Variants in ZNF92 observed in about 807,000 individuals in gnomAD.
ZNF92 encodes zinc finger protein 92, also known as epididymis luminal protein 203.
ZNF92 carries 11 observed loss-of-function variants against 12.4 expected under a neutral mutation model. That is an observed-to-expected ratio of 0.89 (90% CI 0.56 to 1.47). The LOEUF is 1.47. Among genes scored for constraint, ZNF92 ranks in the 40% most tolerant of loss-of-function variants. ZNF92 has a pLI of 0.00. For missense variants in ZNF92, 622 were observed against 681.0 expected (o/e 0.91, Z 0.96); for synonymous variants, 206 against 228.6 (o/e 0.90, Z 0.89).
intron 1 of ZNF92, among the ~76,000 whole-genome samples, chr7:65,383,642 C>T (rs954186811): frequency 2.6e-5 from 4 of 152,054 alleles, no homozygotes; most frequent in African/African-American, 9.7e-5. Flanking sequence ...GAGATCAAGG[C>T]CACAAAGTAT....
intron 1 of ZNF92, among the ~76,000 whole-genome samples, chr7:65,381,082 C>A (rs547550250): frequency 6.6e-6 from 1 of 152,026 alleles, no homozygotes; most frequent in South Asian, 2.1e-4. Context: ...GGCACGATCT[C>A]GGCTCACTGC....
intron 1 of ZNF92, among the ~76,000 whole-genome samples, chr7:65,379,070 GTGTT>G (rs149014826): frequency 0.28 from 42,025 of 151,712 alleles, 7,602 homozygotes; most frequent in African/African-American, 0.49. Context: ...CATAACTACA[GTGTT>G]TTGCTGAGTT....
intron 3 of ZNF92, among the ~76,000 whole-genome samples, chr7:65,391,381 A>G (rs935584645): frequency 2.6e-5 from 4 of 152,022 alleles, no homozygotes; most frequent in Non-Finnish European, 4.4e-5. Flanking sequence ...TCTATTTTCT[A>G]TTTCAAATTT....
intron 1 of ZNF92, among the ~76,000 whole-genome samples, chr7:65,381,348 C>T (rs1282318174): frequency 1.4e-5 from 2 of 141,808 alleles, no homozygotes; most frequent in Non-Finnish European, 3.0e-5. Context: ...ATGTCCTTTG[C>T]CTACTTTTTA....
intron 3 of ZNF92, among the ~76,000 whole-genome samples, chr7:65,389,261 C>T (rs903168960): frequency 4.0e-5 from 6 of 151,836 alleles, no homozygotes; most frequent in African/African-American, 1.2e-4. Flanking sequence ...CGCCTGGCCT[C>T]AGTCTTTAAA....
At chr7:65,381,035 A>T (rs1158241010) in intron 1 of ZNF92, among the ~76,000 whole-genome samples, 1 of 151,558 alleles carries the variant, frequency 6.6e-6, no homozygotes, top group Non-Finnish European at 1.5e-5. Context: ...CTTTTTGGAG[A>T]TGGAGTCTCG....
At chr7:65,396,526 A>G (rs1370367651) in intron 3 of ZNF92, among the ~76,000 whole-genome samples, 1 of 152,104 alleles carries the variant, frequency 6.6e-6, no homozygotes, top group Non-Finnish European at 1.5e-5. Context: ...CTCATATTCT[A>G]TAGGAGAACT....
intron 1 of ZNF92, among the ~76,000 whole-genome samples, chr7:65,377,197 CTT>C (rs1209271620): frequency 2.0e-5 from 3 of 152,036 alleles, no homozygotes; most frequent in African/African-American, 7.2e-5. Flanking sequence ...TTTTCAAACA[CTT>C]AGTTTCAAAA....
intron 3 of ZNF92, among the ~76,000 whole-genome samples, chr7:65,393,026 C>T (rs760236349): frequency 4.6e-5 from 7 of 152,100 alleles, no homozygotes; most frequent in Non-Finnish European, 8.8e-5. Flanking sequence ...TGCACTGCAG[C>T]TTGGGTGACA....
At chr7:65,392,869 C>A (rs1230993175) in intron 3 of ZNF92, among the ~76,000 whole-genome samples, 1 of 151,886 alleles carries the variant, frequency 6.6e-6, no homozygotes, top group Non-Finnish European at 1.5e-5. Context: ...GCTTGGACAG[C>A]ATGTGGAGAC....
chr7:65,396,509 T>C (rs889337221), intron 3 of ZNF92, among the ~76,000 whole-genome samples: 1 of 152,166 alleles, frequency 6.6e-6, no homozygotes, highest in African/African-American at 2.4e-5. Flanking sequence ...AGATTTATAT[T>C]TTGTTTCTCA....
intron 1 of ZNF92, among the ~76,000 whole-genome samples, chr7:65,385,940 T>A (rs1793548355): frequency 6.6e-6 from 1 of 152,054 alleles, no homozygotes; most frequent in Admixed American, 6.6e-5. Flanking sequence ...ATAAACCTTC[T>A]CTACTTGTGC....
At chr7:65,388,482 T>TA (rs1180248513) in intron 2 of ZNF92, among the ~76,000 whole-genome samples, 1 of 151,710 alleles carries the variant, frequency 6.6e-6, no homozygotes, top group Non-Finnish European at 1.5e-5. Context: ...CTACTAAAAA[T>TA]AAAAAAATTA....
chr7:65,378,783 A>T (rs1177718909), intron 1 of ZNF92, among the ~76,000 whole-genome samples: 1 of 152,124 alleles, frequency 6.6e-6, no homozygotes, highest in African/African-American at 2.4e-5. Context: ...ACTGAAGCCA[A>T]ATTCAGCTGA....
chr7:65,381,929 G>A (rs1056446651), intron 1 of ZNF92, among the ~76,000 whole-genome samples: 4 of 152,050 alleles, frequency 2.6e-5, no homozygotes. Flanking sequence ...CTGTGGTAGT[G>A]CTCAGAGTAG....
intron 1 of ZNF92, among the ~76,000 whole-genome samples, chr7:65,387,448 C>G (rs1311510300): frequency 6.6e-6 from 1 of 151,812 alleles, no homozygotes; most frequent in Non-Finnish European, 1.5e-5. Context: ...GGGCAAAAAT[C>G]ATTGGCATTA....
At chr7:65,388,956 A>G in intron 3 of ZNF92, 55 bp downstream of exon 3, 1 of 1,425,448 alleles carries the variant, frequency 7.0e-7, no homozygotes, top group South Asian at 1.2e-5. Flanking sequence ...AAAGTCAAGG[A>G]GAAGGCCAGT....
Position 65,400,052 on chromosome 7 carries a change from A to C in ZNF92, c.*177A>C, listed in dbSNP as rs1416806359. 2 of 578,540 alleles carry C rather than the reference A, an allele frequency of 3.5e-6. No homozygotes were observed. The highest frequency in any genetic ancestry group is 5.8e-6 in the Non-Finnish European group (2 of 347,152). The allele number at this position is 578,540 out of a possible 1,614,324, so 35.8% of individuals were successfully genotyped here. A position where few individuals can be genotyped will look rare whatever the true frequency, so the allele number is the denominator to read the frequency against. ...AGTATGAAGAATGTGGCAAACTTTT[A>C]ACCAATCCTCACACCTTATTGCACA... On this transcript the variant is annotated 3_prime_UTR_variant, in exon 4 of 4. Coordinates refer to ENST00000328747, the MANE Select transcript of ZNF92 (RefSeq NM_152626.4).
rs779365489 is a variant in ZNF92 at position 65,399,207 on chromosome 7, G to T, written c.1093G>T (p.Gly365Ter). 5.6e-6 allele frequency: 9 copies of T among 1,612,742 alleles called. 1 individual carries two copies. The highest frequency in any genetic ancestry group is 7.6e-6 in the Non-Finnish European group (9 of 1,179,562). The part of the protein sequence containing the change: ...NLTKHKIIHT[G>*]EKPYKCDECG... The stretch of plus-strand genomic sequence containing the variant: ...TACTAAACATAAGATAATTCATACT[G>T]GAGAGAAACCCTACAAATGTGATGA... Residue 365 changes from glycine to a stop codon, truncating the protein, a stop_gained, in exon 4 of 4, where the codon GGA (glycine) becomes TGA (stop). Coordinates refer to ENST00000328747, the MANE Select transcript of ZNF92 (RefSeq NM_152626.4). LOFTEE classifies it low-confidence loss of function (END_TRUNC).
Sources: gnomAD v4.1 joint callset for allele counts (sites outside exome capture counted in the v4.1 genomes callset) on GRCh38, gnomAD v4.1.1 for gene constraint, MANE v1.5 for transcripts, NCBI Gene and HGNC (gene_info 2026-07-23, HGNC 2026-07-21) for gene names.